The following HYDIN variants were observed in gnomAD, a reference collection of about 807,000 sequenced individuals.
HYDIN encodes the protein axonemal central pair apparatus protein HYDIN.
HYDIN carries 132 observed loss-of-function variants against 403.9 expected under a neutral mutation model. The observed-to-expected ratio is 0.33, with a 90% confidence interval of 0.28 to 0.38. HYDIN has a LOEUF of 0.38. Ranked by LOEUF, HYDIN falls within the 10% of genes least tolerant of loss-of-function variation. The pLI is 1.00. For synonymous variants in HYDIN, 1,202 were observed against 1,891.7 expected (o/e 0.64, Z 9.46); for missense variants, 2,827 against 5,009.5 (o/e 0.56, Z 13.15).
At chr16:71,080,071 T>C (rs1479969772) in intron 12 of HYDIN, 119 bp from the exon 13 acceptor site, 6 of 599,000 alleles carry the variant, frequency 1.0e-5, no homozygotes, top group East Asian at 8.4e-5. Context: ...TCAATTATAG[T>C]ATCCAGGATT....
At position 70,921,235 on chromosome 16, in the gene HYDIN, G is replaced by C; in HGVS notation, c.7159-18C>G. 5.3e-6 allele frequency: 8 copies of C among 1,509,254 alleles called. No homozygotes were observed. The highest frequency in any genetic ancestry group is 1.4e-5 in the African/African-American group (1 of 71,700). 93.5% of individuals were successfully genotyped at this position (1,509,254 alleles called of 1,614,324 possible). On this transcript the variant is annotated intron_variant, in intron 45 of 85. Coordinates refer to ENST00000393567, the MANE Select transcript of HYDIN (RefSeq NM_001270974.2). ...GGAGGAACCTAGAAGGCATGACACA[G>C]AAAAGATGCGTCAAACAGTTTTTTA...
At chr16:71,098,492 G>A (rs1284878412) in intron 10 of HYDIN, among the ~76,000 whole-genome samples, 6 of 151,550 alleles carry the variant, frequency 4.0e-5, no homozygotes, top group Non-Finnish European at 5.9e-5. Flanking sequence ...GTGAGCCACC[G>A]CGCCCGGCCA....
intron 1 of HYDIN, among the ~76,000 whole-genome samples, chr16:71,220,685 G>A (rs1338483290): frequency 6.6e-6 from 1 of 152,158 alleles, no homozygotes; most frequent in Non-Finnish European, 1.5e-5. Flanking sequence ...AAATTATTAA[G>A]AATAGTTACC....
chr16:71,078,953 C>A (rs2082701461), intron 13 of HYDIN, among the ~76,000 whole-genome samples: 1 of 152,166 alleles, frequency 6.6e-6, no homozygotes, highest in Non-Finnish European at 1.5e-5. Flanking sequence ...TATTTCCTAG[C>A]CTTATGTGCA....
chr16:70,938,606 G>T lies in HYDIN; in HGVS notation c.6995+8C>A, dbSNP rs374757690. 386 of 1,570,416 alleles carry T rather than the reference G, an allele frequency of 2.5e-4. No homozygotes were observed. Among genetic ancestry groups the T allele is most frequent in the Non-Finnish European group, 3.0e-4 (348 of 1,146,960 alleles). On this transcript the variant is annotated splice_region_variant and intron_variant, in intron 44 of 85. Transcript: ENST00000393567. ...TGGCTTCTGCTCTGGCCAGCCCTTG[G>T]CCCTGACCTCTTCTTCCGCTCGCGG... is the stretch of plus-strand genomic sequence containing the variant.
intron 67 of HYDIN, 59 bp from the exon 68 acceptor site, chr16:70,863,241 C>G: frequency 6.4e-7 from 1 of 1,561,094 alleles, no homozygotes; most frequent in South Asian, 1.2e-5. Flanking sequence ...TTGGTCCTGG[C>G]TGCATGTCAT....
At chr16:70,893,067 C>A (rs1344318537) in intron 55 of HYDIN, among the ~76,000 whole-genome samples, 3 of 152,194 alleles carry the variant, frequency 2.0e-5, no homozygotes, top group Non-Finnish European at 4.4e-5. Flanking sequence ...CCCACCTAGG[C>A]AGAGGTGGGA....
intron 2 of HYDIN, among the ~76,000 whole-genome samples, chr16:71,185,607 A>G (rs2087109431): frequency 6.6e-6 from 1 of 152,136 alleles, no homozygotes; most frequent in African/African-American, 2.4e-5. Flanking sequence ...AGCCAGTCAC[A>G]TTCACACACC....
In HYDIN at chr16:71,009,285, C is replaced by T. The variant is rs538171343; in HGVS notation, c.3644+8844G>A. On this transcript the variant is annotated intron_variant, in intron 23 of 85. Coordinates refer to ENST00000393567, the MANE Select transcript of HYDIN (RefSeq NM_001270974.2). Reference sequence around the variant, plus strand: ...GAGCCGAGGGATGATGGAAGAGACACTAGGTGCAGGTGATGTTATTCAAGT... The same window carrying T: ...GAGCCGAGGGATGATGGAAGAGACATTAGGTGCAGGTGATGTTATTCAAGT... 2.9e-3 allele frequency among the ~76,000 whole-genome samples: 429 copies of T among 148,054 alleles called. 1 individual carries two copies. The highest frequency in any genetic ancestry group is 0.011 in the African/African-American group (413 of 38,974).
At chr16:70,943,420 GTTA>G (rs1324224626) in intron 42 of HYDIN, among the ~76,000 whole-genome samples, 9 of 152,194 alleles carry the variant, frequency 5.9e-5, no homozygotes, top group Admixed American at 3.9e-4. Flanking sequence ...TATATAGAAT[GTTA>G]TTATGTTTTA....
At chr16:71,068,663 T>C (rs2082353605) in intron 14 of HYDIN, among the ~76,000 whole-genome samples, 1 of 152,024 alleles carries the variant, frequency 6.6e-6, no homozygotes, top group Non-Finnish European at 1.5e-5. Context: ...ATTCCACTGG[T>C]GGCACTGTGA....
intron 21 of HYDIN, among the ~76,000 whole-genome samples, chr16:71,020,842 T>C (rs978723990): frequency 2.3e-5 from 3 of 129,090 alleles, no homozygotes; most frequent in Admixed American, 2.3e-4. Flanking sequence ...ATGTGATGTA[T>C]AGTGGACTAC....
At position 71,171,205 on chromosome 16, in the gene HYDIN, T is replaced by C. The variant is rs190745066; in HGVS notation, c.516+4402A>G. Among the ~76,000 whole-genome samples, 67 of 152,334 alleles carry C rather than the reference T, an allele frequency of 4.4e-4. No individual in the cohort carries two copies. In the East Asian group the frequency reaches 9.5e-3, roughly 22 times the overall value. On this transcript the variant is annotated intron_variant, in intron 5 of 85. Transcript: ENST00000393567. ...CCTTTGCACTTGCTGTTCCCGCTCC[T>C]AGACAGCCCTTCCCTCAGATATTTG... is the stretch of plus-strand genomic sequence containing the variant.
intron 7 of HYDIN, among the ~76,000 whole-genome samples, chr16:71,139,379 A>C (rs1261921190): frequency 6.6e-6 from 1 of 152,124 alleles, no homozygotes; most frequent in Admixed American, 6.5e-5. Context: ...ATAAAACTCC[A>C]TGTGTTGGAA....
intron 38 of HYDIN, among the ~76,000 whole-genome samples, 187 bp downstream of exon 38, chr16:70,961,772 A>C (rs1442850781): frequency 6.6e-6 from 1 of 151,624 alleles, no homozygotes; most frequent in African/African-American, 2.4e-5. Flanking sequence ...TCATCACCCA[A>C]CTCTCAAGCT....
chr16:70,819,967 C>T (rs1238314506), intron 83 of HYDIN, among the ~76,000 whole-genome samples: 3 of 147,126 alleles, frequency 2.0e-5, no homozygotes, highest in Non-Finnish European at 1.5e-5. Context: ...GCCATCACGC[C>T]TGGCTAATTT....
At chr16:70,871,954 A>C (rs576059055) in intron 65 of HYDIN, 83 bp downstream of exon 65, 1 of 922,734 alleles carries the variant, frequency 1.1e-6, no homozygotes, top group Non-Finnish European at 1.7e-6. Context: ...CATTCCATGC[A>C]TCCACGGGAA....
At chr16:71,192,154 C>T (rs1474610565) in intron 1 of HYDIN, among the ~76,000 whole-genome samples, 1 of 152,086 alleles carries the variant, frequency 6.6e-6, no homozygotes, top group Non-Finnish European at 1.5e-5. Flanking sequence ...CATTATGGTC[C>T]CAGAGTCCAC....
At chr16:70,855,809 T>C (rs79698527) in intron 72 of HYDIN, among the ~76,000 whole-genome samples, 11,529 of 152,084 alleles carry the variant, frequency 0.076, 83 homozygotes, top group East Asian at 0.13. Context: ...TTTATCCAAT[T>C]CTCTCCCCTT....
Sources: allele counts gnomAD v4.1 joint callset (sites outside exome capture counted in the v4.1 genomes callset), GRCh38; gene constraint gnomAD v4.1.1; transcripts MANE v1.5; gene names NCBI Gene and HGNC (gene_info 2026-07-23, HGNC 2026-07-21).